Variants in GARRE1 observed in about 807,000 individuals in gnomAD.
GARRE1 encodes granule associated Rac and RHOG effector 1, also known as granule associated Rac and RHOG effector protein 1.
In GARRE1, 49 loss-of-function variants were observed where a neutral mutation model predicts 103.2. That is an observed-to-expected ratio of 0.47 (90% CI 0.38 to 0.60). The LOEUF (loss-of-function observed/expected upper bound fraction) is 0.60. GARRE1 is among the 20% of genes least tolerant of loss of function. GARRE1 has a pLI of 0.00. For missense variants in GARRE1, 1,199 were observed against 1,370.5 expected (o/e 0.87, Z 1.98); for synonymous variants, 505 against 532.8 (o/e 0.95, Z 0.72).
At chr19:34,256,395 C>T (rs1362498018) in intron 1 of GARRE1, among the ~76,000 whole-genome samples, 2 of 151,726 alleles carry the variant, frequency 1.3e-5, no homozygotes, top group African/African-American at 4.8e-5. Flanking sequence ...TGGCGCGCTC[C>T]TGTAGTCCCA....
At chr19:34,350,519 T>A (rs905705199) in intron 12 of GARRE1, among the ~76,000 whole-genome samples, 11 of 152,218 alleles carry the variant, frequency 7.2e-5, no homozygotes, top group African/African-American at 2.4e-4. Context: ...CAGACTTTCA[T>A]GTGATTAGTA....
intron 2 of GARRE1, among the ~76,000 whole-genome samples, chr19:34,314,027 C>T (rs1330284320): frequency 6.6e-6 from 1 of 152,050 alleles, no homozygotes; most frequent in Admixed American, 6.6e-5. Context: ...TCTTGAACTC[C>T]TGACCTCAAG....
intron 7 of GARRE1, among the ~76,000 whole-genome samples, chr19:34,332,486 CAG>C (rs986115574): frequency 2.0e-5 from 3 of 151,902 alleles, no homozygotes; most frequent in African/African-American, 7.3e-5. Flanking sequence ...ATTCAGAGAG[CAG>C]AAACTTCTTC....
intron 1 of GARRE1, among the ~76,000 whole-genome samples, chr19:34,281,718 C>T (rs572932460): frequency 6.2e-4 from 94 of 152,132 alleles, no homozygotes; most frequent in African/African-American, 2.3e-3. Flanking sequence ...TACACCTGGC[C>T]GAAACACAAT....
intron 3 of GARRE1, among the ~76,000 whole-genome samples, chr19:34,323,457 T>G (rs1346540465): frequency 2.0e-5 from 3 of 152,236 alleles, no homozygotes; most frequent in African/African-American, 7.2e-5. Context: ...TGCATTGTTG[T>G]CATTTCTTTT....
chr19:34,289,044 G>T (rs1035864419), intron 1 of GARRE1, among the ~76,000 whole-genome samples: 1 of 152,068 alleles, frequency 6.6e-6, no homozygotes, highest in Non-Finnish European at 1.5e-5. Context: ...TGAGGTAGGA[G>T]AATTGCTTGA....
Position 34,287,788 on chromosome 19 carries a change from G to T in GARRE1, c.-795-11891G>T, listed in dbSNP as rs2073895768. The stretch of plus-strand genomic sequence containing the variant: ...TGTTCTCATATGGCAGAAAGAGAGT[G>T]AACTGGCCTCTTTTTATAAGGGCAC... On this transcript the variant is annotated intron_variant, in intron 1 of 13. Coordinates refer to ENST00000299505, the MANE Select transcript of GARRE1 (RefSeq NM_014686.5). Among the ~76,000 whole-genome samples, 3 of 152,164 alleles carry T rather than the reference G, an allele frequency of 2.0e-5. No homozygotes were observed. In the South Asian group the frequency reaches 6.2e-4, roughly 32 times the overall value.
Position 34,329,420 on chromosome 19 carries a change from T to G in GARRE1, c.1105-769T>G, listed in dbSNP as rs145674587. 1.3e-3 allele frequency among the ~76,000 whole-genome samples: 199 copies of G among 152,362 alleles called. 2 individuals carry two copies. Among genetic ancestry groups the G allele is most frequent in the African/African-American group, 4.6e-3 (190 of 41,594 alleles). ...TTTTGTGCTAGTATAGAAATACCTG[T>G]GTATATTATCGCATATGTATCCATA... is the stretch of plus-strand genomic sequence containing the variant. On this transcript the variant is annotated intron_variant, in intron 6 of 13. Transcript: ENST00000299505.
intron 1 of GARRE1, among the ~76,000 whole-genome samples, chr19:34,294,792 A>G (rs941161163): frequency 1.3e-5 from 2 of 152,118 alleles, no homozygotes; most frequent in African/African-American, 2.4e-5. Context: ...TCATGCCTCA[A>G]CTGCCTGAGT....
chr19:34,340,026 G>C, intron 9 of GARRE1, 34 bp downstream of exon 9: 1 of 1,611,122 alleles, frequency 6.2e-7, no homozygotes, highest in East Asian at 2.2e-5. Flanking sequence ...GATGCATACC[G>C]AGGGACAGTG....
chr19:34,258,458 G>A (rs1243867056), intron 1 of GARRE1, among the ~76,000 whole-genome samples: 1 of 152,082 alleles, frequency 6.6e-6, no homozygotes, highest in Non-Finnish European at 1.5e-5. Flanking sequence ...CCCTGGACAT[G>A]TTCCTGAGGC....
chr19:34,345,809 G>A (rs1163787762), intron 10 of GARRE1, among the ~76,000 whole-genome samples: 13 of 152,196 alleles, frequency 8.5e-5, no homozygotes, highest in Admixed American at 7.9e-4. Context: ...ATAACAGAGT[G>A]AGACTTTGTC....
intron 1 of GARRE1, among the ~76,000 whole-genome samples, chr19:34,287,515 ATCC>A (rs1329329046): frequency 1.3e-5 from 2 of 152,332 alleles, no homozygotes; most frequent in Non-Finnish European, 2.9e-5. Context: ...AAATGTTTTC[ATCC>A]TTTAACATGC....
chr19:34,346,923 T>G (rs1458233988), intron 10 of GARRE1, among the ~76,000 whole-genome samples: 1 of 150,752 alleles, frequency 6.6e-6, no homozygotes, highest in Non-Finnish European at 1.5e-5. Flanking sequence ...CAGCCCAGTT[T>G]TGTTTTGTTT....
intron 1 of GARRE1, among the ~76,000 whole-genome samples, chr19:34,299,184 C>G (rs1173678385): frequency 1.3e-5 from 2 of 152,286 alleles, no homozygotes; most frequent in African/African-American, 4.8e-5. Context: ...TGCACTTGTC[C>G]AAACCTATCC....
intron 2 of GARRE1, among the ~76,000 whole-genome samples, chr19:34,314,383 GT>G (rs891775574): frequency 1.1e-4 from 17 of 152,242 alleles, no homozygotes; most frequent in African/African-American, 3.4e-4. Flanking sequence ...AATATGGGCT[GT>G]TTAGTAATCG....
chr19:34,294,197 A>T (rs2073934320), intron 1 of GARRE1, among the ~76,000 whole-genome samples: 1 of 151,758 alleles, frequency 6.6e-6, no homozygotes, highest in Non-Finnish European at 1.5e-5. Flanking sequence ...AGGTAGGAAG[A>T]TGGCTTGGGG....
rs114163744 is a variant in GARRE1, at chr19:34,311,374, G to A, written c.496-8533G>A. ...AGATTAGTGGGATATCTCCTTAAGG[G>A]GAAATTGGTGCTCCCTCCTCCTCCA... On this transcript the variant is annotated intron_variant, in intron 2 of 13. Coordinates refer to ENST00000299505, the MANE Select transcript of GARRE1 (RefSeq NM_014686.5). Among the ~76,000 whole-genome samples the A allele has an allele frequency of 6.7e-4, 102 of 152,192 alleles. 1 individual carries two copies. The highest frequency in any genetic ancestry group is 2.4e-3 in the African/African-American group (101 of 41,530).
At chr19:34,255,055 C>G (rs1424214309) in intron 1 of GARRE1, among the ~76,000 whole-genome samples, 1 of 151,922 alleles carries the variant, frequency 6.6e-6, no homozygotes, top group Non-Finnish European at 1.5e-5. Context: ...CTGGGGCTAG[C>G]CGGGGAGGCG....
Sources: gnomAD v4.1 joint callset for allele counts (sites outside exome capture counted in the v4.1 genomes callset) on GRCh38, gnomAD v4.1.1 for gene constraint, MANE v1.5 for transcripts, NCBI Gene and HGNC (gene_info 2026-07-23, HGNC 2026-07-21) for gene names.